The following EFTUD2 variants were observed in gnomAD, a reference collection of about 807,000 sequenced individuals.
The protein encoded by EFTUD2 is 116 kDa U5 small nuclear ribonucleoprotein component.
In EFTUD2, 9 loss-of-function variants were observed where a neutral mutation model predicts 114.3. The ratio of observed to expected loss-of-function variants is 0.08; its 90% CI spans 0.05 to 0.14. The LOEUF is 0.14. Ranked by LOEUF, EFTUD2 falls within the 10% of genes least tolerant of loss-of-function variation. The probability of loss-of-function intolerance (pLI) is 1.00; values close to 1 mark genes in which losing one functional copy is unlikely to be tolerated. For missense variants in EFTUD2, 765 were observed against 1,241.2 expected, an observed-to-expected ratio of 0.62 and a Z score of 5.76; for synonymous variants, 449 against 462.3, an observed-to-expected ratio of 0.97 and a Z score of 0.37.
intron 6 of EFTUD2, 91 bp from the exon 7 acceptor site, chr17:44,881,813 T>G (rs2051077684): frequency 1.6e-6 from 2 of 1,233,228 alleles, no homozygotes; most frequent in Non-Finnish European, 2.4e-6. Flanking sequence ...ACCTCCCAGC[T>G]CAAGGGTTTC....
chr17:44,882,704 G>C (rs1017100293), intron 6 of EFTUD2, among the ~76,000 whole-genome samples: 2 of 152,184 alleles, frequency 1.3e-5, no homozygotes, highest in African/African-American at 4.8e-5. Context: ...AACATTTATT[G>C]CACTGAGACT....
intron 1 of EFTUD2, among the ~76,000 whole-genome samples, chr17:44,897,182 C>T (rs1160573343): frequency 1.4e-5 from 2 of 144,274 alleles, no homozygotes; most frequent in Non-Finnish European, 3.0e-5. Flanking sequence ...CGCCACTGCA[C>T]TCCAGCCTGG....
intron 9 of EFTUD2, 65 bp from the exon 10 acceptor site, chr17:44,876,165 C>T: frequency 3.3e-6 from 5 of 1,528,840 alleles, no homozygotes; most frequent in Non-Finnish European, 4.4e-6. Flanking sequence ...CAAAGCAGAA[C>T]CAAAGAAGGC....
chr17:44,876,036 C>A lies in EFTUD2; in HGVS notation c.767G>T (p.Cys256Phe). ...GATCAGCCGGTCAATCTTGTTGATG[C>A]ACACAGTGACTGCCAGCCTCTCCTG... ...AVQERLAVTV[C>F]INKIDRLILE... The change falls in exon 10 of 28, where the codon TGC becomes TTC. Residue 256 changes from cysteine to phenylalanine, a missense_variant. Physicochemically the swap from Cys to Phe is radical, Grantham distance 205 (BLOSUM62 -2). Coordinates refer to ENST00000426333, the MANE Select transcript of EFTUD2 (RefSeq NM_004247.4). The A allele has an allele frequency of 6.2e-7, 1 of 1,614,046 alleles. No individual in the cohort carries two copies.
At chr17:44,886,444 A>G in intron 3 of EFTUD2, 141 bp downstream of exon 3, 1 of 1,429,128 alleles carries the variant, frequency 7.0e-7, no homozygotes. Flanking sequence ...AGGATTAACT[A>G]AATCTTAAAC....
At chr17:44,890,408 T>C (rs1310238172) in intron 2 of EFTUD2, among the ~76,000 whole-genome samples, 2 of 147,660 alleles carry the variant, frequency 1.4e-5, no homozygotes, top group Non-Finnish European at 3.0e-5. Flanking sequence ...AAAAAAAAAA[T>C]CTGTCCAGGT....
intron 11 of EFTUD2, 86 bp from the exon 12 acceptor site, chr17:44,868,436 G>T: frequency 7.5e-7 from 1 of 1,338,780 alleles, no homozygotes; most frequent in Non-Finnish European, 1.1e-6. Context: ...GTTCATAGCT[G>T]AGAACTTCTA....
chr17:44,864,088 C>T (rs889643442), intron 14 of EFTUD2: 5 of 217,898 alleles, frequency 2.3e-5, no homozygotes, highest in Admixed American at 5.7e-5. Context: ...TACGCATTTA[C>T]GTGGAACAAA....
intron 3 of EFTUD2, among the ~76,000 whole-genome samples, chr17:44,886,069 T>C (rs2051166545): frequency 6.6e-6 from 1 of 152,088 alleles, no homozygotes; most frequent in South Asian, 2.1e-4. Flanking sequence ...AAACCCCGTT[T>C]CTACTAAAAA....
At chr17:44,853,146 C>A in intron 25 of EFTUD2, 150 bp downstream of exon 25, 1 of 781,416 alleles carries the variant, frequency 1.3e-6, no homozygotes, top group South Asian at 1.9e-5. Context: ...TGCCTCCCTC[C>A]GCTCCTACTT....
chr17:44,883,819 C>T (rs1335202661), intron 4 of EFTUD2, 95 bp from the exon 5 acceptor site: 1 of 1,150,138 alleles, frequency 8.7e-7, no homozygotes, highest in Non-Finnish European at 1.3e-6. Flanking sequence ...TGGCCAGGAA[C>T]AACTTTCAGA....
intron 11 of EFTUD2, among the ~76,000 whole-genome samples, chr17:44,870,953 G>A (rs2050840879): frequency 1.3e-5 from 2 of 152,110 alleles, no homozygotes; most frequent in Non-Finnish European, 2.9e-5. Flanking sequence ...AGGAGGTGGA[G>A]GTTGCAGTGA....
At chr17:44,894,356 G>T in intron 2 of EFTUD2, 61 bp downstream of exon 2, 1 of 1,389,744 alleles carries the variant, frequency 7.2e-7, no homozygotes, top group South Asian at 1.2e-5. Flanking sequence ...GCAAGAGAGT[G>T]AGATCTTGTC....
At chr17:44,856,488 C>T (rs148650749) in intron 20 of EFTUD2, among the ~76,000 whole-genome samples, 5 of 149,876 alleles carry the variant, frequency 3.3e-5, no homozygotes, top group African/African-American at 2.5e-5. Flanking sequence ...CGAGATCGTG[C>T]CACTGTACTC....
At position 44,864,865 on chromosome 17, in the gene EFTUD2, T is replaced by C. The variant is rs561609641; in HGVS notation, c.1285+65A>G. On this transcript the variant is annotated intron_variant, in intron 14 of 27. Transcript: ENST00000426333. ...ACCTCCATCGCTGGGTGAGAAAAAA[T>C]TGCTGTGATACCTGTGGCAGGGCAC... The C allele has an allele frequency of 6.7e-5, 106 of 1,570,974 alleles. 2 individuals carry two copies. The South Asian group carries it at 1.2e-3, about 17-fold the overall frequency.
At chr17:44,896,958 TGTAATCCCAG>T (rs1382708854) in intron 1 of EFTUD2, among the ~76,000 whole-genome samples, 1 of 152,174 alleles carries the variant, frequency 6.6e-6, no homozygotes, top group Non-Finnish European at 1.5e-5. Flanking sequence ...GGCTCACGCC[TGTAATCCCAG>T]CACTTTGGGA....
intron 11 of EFTUD2, 43 bp from the exon 12 acceptor site, chr17:44,868,393 T>C (rs2050788724): frequency 6.2e-7 from 1 of 1,600,892 alleles, no homozygotes; most frequent in African/African-American, 1.3e-5. Context: ...TAGCAAAGTG[T>C]CGTTCAAAAT....
chr17:44,871,078 G>A (rs2050844294), intron 11 of EFTUD2, among the ~76,000 whole-genome samples: 1 of 151,920 alleles, frequency 6.6e-6, no homozygotes, highest in Non-Finnish European at 1.5e-5. Flanking sequence ...TTGCTCTGTT[G>A]CCCGGGCTGG....
At chr17:44,884,441 C>G (rs1370163137) in intron 4 of EFTUD2, among the ~76,000 whole-genome samples, 7 of 151,660 alleles carry the variant, frequency 4.6e-5, no homozygotes, top group Admixed American at 4.6e-4. Flanking sequence ...ATCACTTGAA[C>G]CTGGAAGGTG....
Sources: gnomAD v4.1 joint callset for allele counts (sites outside exome capture counted in the v4.1 genomes callset) on GRCh38, gnomAD v4.1.1 for gene constraint, MANE v1.5 for transcripts, NCBI Gene and HGNC (gene_info 2026-07-23, HGNC 2026-07-21) for gene names.